The following ZDHHC14 variants were observed in gnomAD, a reference collection of about 807,000 sequenced individuals.
The protein encoded by ZDHHC14 is zDHHC palmitoyltransferase 14, also known as palmitoyltransferase ZDHHC14.
ZDHHC14 carries 16 observed loss-of-function variants against 47.7 expected under a neutral mutation model. The ratio of observed to expected loss-of-function variants is 0.34; its 90% confidence interval spans 0.23 to 0.51. The LOEUF (loss-of-function observed/expected upper bound fraction) is 0.51. Among genes scored for constraint, ZDHHC14 ranks in the 20% least tolerant of loss-of-function variants. The pLI, the probability that ZDHHC14 is intolerant of heterozygous loss-of-function variation, is 0.97. For missense variants in ZDHHC14, 515 were observed against 662.5 expected (o/e 0.78, Z 2.44); for synonymous variants, 293 against 278.9 (o/e 1.05, Z -0.50).
At chr6:157,434,240 C>G (rs922546566) in intron 1 of ZDHHC14, among the ~76,000 whole-genome samples, 1 of 106,406 alleles carries the variant, frequency 9.4e-6, no homozygotes, top group African/African-American at 4.1e-5. Context: ...ATATATAATT[C>G]TTTTATATGT....
chr6:157,523,011 T>C (rs552709515), intron 1 of ZDHHC14, among the ~76,000 whole-genome samples: 1 of 140,344 alleles, frequency 7.1e-6, no homozygotes, highest in South Asian at 2.3e-4. Flanking sequence ...CTTTTCTTTT[T>C]CTTTTCTTTC....
intron 2 of ZDHHC14, among the ~76,000 whole-genome samples, chr6:157,562,400 CGTGG>C: frequency 6.6e-6 from 1 of 152,184 alleles, no homozygotes; most frequent in East Asian, 1.9e-4. Flanking sequence ...GCTCTGTGAG[CGTGG>C]CGAGGGGTCT....
intron 1 of ZDHHC14, among the ~76,000 whole-genome samples, chr6:157,410,463 A>T (rs994353237): frequency 2.0e-5 from 3 of 152,240 alleles, no homozygotes; most frequent in African/African-American, 7.2e-5. Flanking sequence ...AAAGACTTGC[A>T]GATCTTTGAG....
chr6:157,384,789 A>G (rs1777279550), intron 1 of ZDHHC14, among the ~76,000 whole-genome samples: 1 of 152,214 alleles, frequency 6.6e-6, no homozygotes, highest in Non-Finnish European at 1.5e-5. Context: ...TTAACCCCAT[A>G]CAGAGGAAGA....
chr6:157,513,794 C>G (rs2114754183), intron 1 of ZDHHC14, among the ~76,000 whole-genome samples: 1 of 152,282 alleles, frequency 6.6e-6, no homozygotes, highest in African/African-American at 2.4e-5. Context: ...GTGATGAGGT[C>G]AGAGATCAGA....
intron 1 of ZDHHC14, among the ~76,000 whole-genome samples, chr6:157,497,798 A>T (rs1323710072): frequency 6.6e-6 from 1 of 152,230 alleles, no homozygotes; most frequent in African/African-American, 2.4e-5. Flanking sequence ...TTGCCCAATC[A>T]TACTACTAAA....
At position 157,450,087 on chromosome 6, in the gene ZDHHC14, G is replaced by C. The variant is rs530953951; in HGVS notation, c.245+67821G>C. On this transcript the variant is annotated intron_variant, in intron 1 of 8. Transcript: ENST00000359775. ...GATTAATAAATATGGTGATTATTTA[G>C]GCACAGACTTTGTATCTGCCACCTG... 9.9e-5 allele frequency among the ~76,000 whole-genome samples: 15 copies of C among 152,046 alleles called. No homozygotes were observed. The South Asian group carries it at 3.1e-3, about 32-fold the overall frequency.
chr6:157,642,923 G>T (rs1004720921), intron 5 of ZDHHC14, among the ~76,000 whole-genome samples: 7 of 152,378 alleles, frequency 4.6e-5, no homozygotes, highest in African/African-American at 1.7e-4. Context: ...GAAGCAGGGG[G>T]TTGGGGTAGG....
At chr6:157,565,700 G>A (rs1330920504) in intron 2 of ZDHHC14, among the ~76,000 whole-genome samples, 4 of 151,972 alleles carry the variant, frequency 2.6e-5, no homozygotes, top group African/African-American at 7.3e-5. Flanking sequence ...CAGCTACTAT[G>A]GGGGGCTGAG....
intron 1 of ZDHHC14, among the ~76,000 whole-genome samples, chr6:157,393,387 GC>G (rs1315735779): frequency 4.6e-5 from 7 of 152,222 alleles, no homozygotes; most frequent in African/African-American, 1.2e-4. Flanking sequence ...AATCTTATCA[GC>G]GGAGGAATGG....
chr6:157,467,854 T>C (rs548877280), intron 1 of ZDHHC14, among the ~76,000 whole-genome samples: 4 of 152,072 alleles, frequency 2.6e-5, no homozygotes, highest in African/African-American at 4.8e-5. Flanking sequence ...ATTATGGCGG[T>C]ATAATATTCT....
At chr6:157,577,434 C>T (rs1290990513) in intron 2 of ZDHHC14, among the ~76,000 whole-genome samples, 1 of 152,222 alleles carries the variant, frequency 6.6e-6, no homozygotes, top group Non-Finnish European at 1.5e-5. Context: ...TTTGAGGAAT[C>T]ACCATGCTGC....
intron 1 of ZDHHC14, among the ~76,000 whole-genome samples, chr6:157,420,434 T>C (rs889583659): frequency 2.0e-5 from 3 of 151,102 alleles, no homozygotes; most frequent in African/African-American, 4.9e-5. Context: ...GGTATAGTCA[T>C]TGAAGGGGTG....
chr6:157,471,655 A>G (rs1401969817), intron 1 of ZDHHC14, among the ~76,000 whole-genome samples: 1 of 152,218 alleles, frequency 6.6e-6, no homozygotes, highest in Non-Finnish European at 1.5e-5. Flanking sequence ...TACTTTGCTG[A>G]GCGGACTGGT....
intron 1 of ZDHHC14, among the ~76,000 whole-genome samples, chr6:157,399,811 C>A (rs1408164570): frequency 1.3e-5 from 2 of 152,228 alleles, no homozygotes; most frequent in African/African-American, 4.8e-5. Context: ...TGATGCCCCA[C>A]ATGGCACTTT....
intron 1 of ZDHHC14, among the ~76,000 whole-genome samples, chr6:157,406,186 C>CA (rs1162664782): frequency 6.6e-6 from 1 of 152,158 alleles, no homozygotes; most frequent in African/African-American, 2.4e-5. Flanking sequence ...CAGGAAGCTG[C>CA]AGTTGGGGAG....
intron 1 of ZDHHC14, among the ~76,000 whole-genome samples, chr6:157,437,221 C>T (rs772939714): frequency 1.8e-4 from 27 of 152,186 alleles, no homozygotes; most frequent in Non-Finnish European, 4.0e-4. Flanking sequence ...TTCTCAGGTC[C>T]CATGAAGCTT....
chr6:157,498,051 G>A (rs1780108609), intron 1 of ZDHHC14, among the ~76,000 whole-genome samples: 1 of 152,178 alleles, frequency 6.6e-6, no homozygotes, highest in African/African-American at 2.4e-5. Context: ...TCTGGAACCT[G>A]GAATAATATT....
chr6:157,471,370 C>T (rs374860883), intron 1 of ZDHHC14, among the ~76,000 whole-genome samples: 4 of 152,314 alleles, frequency 2.6e-5, no homozygotes, highest in Admixed American at 1.3e-4. Context: ...CACATTTTCC[C>T]GATGATTTCT....
Sources: allele counts gnomAD v4.1 joint callset (sites outside exome capture counted in the v4.1 genomes callset), GRCh38; gene constraint gnomAD v4.1.1; transcripts MANE v1.5; gene names NCBI Gene and HGNC (gene_info 2026-07-23, HGNC 2026-07-21).